Variants in ZNF641 observed in about 807,000 individuals in gnomAD.
The protein encoded by ZNF641 is zinc finger protein 641.
A neutral mutation model predicts 46.2 loss-of-function variants in ZNF641; 26 were observed. That is an observed-to-expected ratio of 0.56 (90% CI 0.41 to 0.78). The LOEUF (loss-of-function observed/expected upper bound fraction) is 0.78. Ranked by LOEUF, ZNF641 falls within the 30% of genes least tolerant of loss-of-function variation. The probability of loss-of-function intolerance (pLI) is 0.00; values close to 1 mark genes in which losing one functional copy is unlikely to be tolerated. For synonymous variants in ZNF641, 163 were observed against 187.9 expected, an observed-to-expected ratio of 0.87 and a Z score of 1.09; for missense variants, 469 against 517.8, an observed-to-expected ratio of 0.91 and a Z score of 0.91.
upstream of ZNF641, chr12:48,350,970 TGCG>T: frequency 1.9e-6 from 1 of 523,974 alleles, no homozygotes; most frequent in South Asian, 9.1e-5. Flanking sequence ...TCCGGGGCTC[TGCG>T]GCGGCGGAGG....
At chr12:48,350,347 T>C (rs1037227916) in intron 1 of ZNF641, 1 of 805,664 alleles carries the variant, frequency 1.2e-6, no homozygotes, top group African/African-American at 1.7e-5. Context: ...CTGCCACGGG[T>C]AGGGCATGGG....
rs1186453688 is a variant in ZNF641 at position 48,350,905 on chromosome 12, G to C, written c.-145C>G. The C allele has an allele frequency of 6.8e-5, 67 of 979,268 alleles. No individual in the cohort carries two copies. The highest frequency in any genetic ancestry group is 7.8e-5 in the Non-Finnish European group (64 of 824,538). 60.7% of individuals were successfully genotyped at this position (979,268 alleles called of 1,614,324 possible). On this transcript the variant is annotated 5_prime_UTR_variant, in exon 1 of 6. Coordinates refer to ENST00000547026, the MANE Select transcript of ZNF641 (RefSeq NM_001172681.2). ...GGCGGAGCCAGCGACAGGCGGAGAC[G>C]GCGGCCCGGCAGGCGCGGGCGGGGC...
intron 5 of ZNF641, 49 bp from the exon 6 acceptor site, chr12:48,343,776 T>A: frequency 7.0e-7 from 1 of 1,432,186 alleles, no homozygotes; most frequent in Non-Finnish European, 9.2e-7. Context: ...CACAAGAGAG[T>A]GCTTGAGGCC....
intron 3 of ZNF641, among the ~76,000 whole-genome samples, chr12:48,346,989 C>A (rs1395888244): frequency 6.6e-6 from 1 of 152,158 alleles, no homozygotes; most frequent in East Asian, 1.9e-4. Flanking sequence ...CCAACCAGGG[C>A]AACACAGTGA....
chr12:48,348,419 T>C (rs1378729221), intron 1 of ZNF641, among the ~76,000 whole-genome samples: 1 of 152,218 alleles, frequency 6.6e-6, no homozygotes, highest in African/African-American at 2.4e-5. Flanking sequence ...AGAACTGTCC[T>C]GGAAATTCAA....
rs1192838264 is a variant in ZNF641, at chr12:48,343,206, G to A, written c.1042C>T (p.Arg348Trp). The change falls in exon 6 of 6, where the codon CGG (arginine) becomes TGG (tryptophan). Residue 348 changes from arginine to tryptophan, a missense_variant. Physicochemically the swap from Arg to Trp is moderately radical, Grantham distance 101 (BLOSUM62 -3). Transcript: ENST00000547026. ...EVGESPGTRK[R>W]QRAPPVPKCH... is the part of the protein sequence containing the mutation. ...TTTGGCACTGGTGGGGCACGCTGCC[G>A]TTTCCTTGTGCCAGGGCTCTCTCCA... The A allele has an allele frequency of 1.2e-5, 20 of 1,614,084 alleles. No homozygotes were observed. The highest frequency in any genetic ancestry group is 5.3e-5 in the African/African-American group (4 of 74,938).
chr12:48,346,088 T>C (rs1952863911), intron 3 of ZNF641, among the ~76,000 whole-genome samples: 1 of 152,078 alleles, frequency 6.6e-6, no homozygotes, highest in South Asian at 2.1e-4. Context: ...GTGGTGTTAG[T>C]AGAGACGGGG....
Position 48,343,102 on chromosome 12 carries a change from C to T in ZNF641, c.1146G>A (p.Gly382=). 6.2e-7 allele frequency: 1 copy of T among 1,614,264 alleles called. No individual in the cohort carries two copies. Among genetic ancestry groups the T allele is most frequent in the Non-Finnish European group, 8.5e-7 (1 of 1,180,052 alleles). ...HLVRHWLTHT[G]EKPFQCPRCE... ...AGCGAGGGCACTGGAAGGGCTTCTCCCCAGTGTGGGTCAGCCAGTGTCTCA... is the reference window on the plus strand; with the variant it reads ...AGCGAGGGCACTGGAAGGGCTTCTCTCCAGTGTGGGTCAGCCAGTGTCTCA... The change falls in exon 6 of 6, where the codon GGG becomes GGA. Residue 382 remains glycine (G), a synonymous_variant. Transcript: ENST00000547026.
intron 2 of ZNF641, among the ~76,000 whole-genome samples, 155 bp from the exon 3 acceptor site, chr12:48,347,498 C>T (rs770222874): frequency 6.6e-6 from 1 of 152,254 alleles, no homozygotes; most frequent in Non-Finnish European, 1.5e-5. Flanking sequence ...AAGGCCATCA[C>T]TCAAAATGTT....
chr12:48,341,040 G>T lies in ZNF641; in HGVS notation c.*1933C>A. On this transcript the variant is annotated 3_prime_UTR_variant, in exon 6 of 6. Coordinates refer to ENST00000547026, the MANE Select transcript of ZNF641 (RefSeq NM_001172681.2). The stretch of plus-strand genomic sequence containing the variant: ...AGGAAGGCTGCTCACAGTAGCAGAA[G>T]GGAGGCAGGGGCCAAGCTGTTCAAG... 1.9e-5 allele frequency: 19 copies of T among 985,530 alleles called. No homozygotes were observed. Among genetic ancestry groups the T allele is most frequent in the South Asian group, 4.7e-5 (1 of 21,292 alleles). 61.0% of individuals were successfully genotyped at this position (985,530 alleles called of 1,614,324 possible).
chr12:48,344,012 G>C (rs1363932505), intron 5 of ZNF641, among the ~76,000 whole-genome samples: 1 of 152,222 alleles, frequency 6.6e-6, no homozygotes, highest in Admixed American at 6.5e-5. Flanking sequence ...CTCTCCGGCA[G>C]TTATAAGATA....
chr12:48,345,161 T>C (rs1952832831), intron 4 of ZNF641, among the ~76,000 whole-genome samples, 184 bp downstream of exon 4: 1 of 152,114 alleles, frequency 6.6e-6, no homozygotes, highest in Non-Finnish European at 1.5e-5. Context: ...TTACTTTTTT[T>C]TTTTTAATGA....
Position 48,341,437 on chromosome 12 carries a change from T to C in ZNF641, c.*1536A>G. 3.0e-6 allele frequency: 3 copies of C among 985,466 alleles called. No homozygotes were observed. Among genetic ancestry groups the C allele is most frequent in the Non-Finnish European group, 2.4e-6 (2 of 829,936 alleles). 61.0% of individuals were successfully genotyped at this position (985,466 alleles called of 1,614,324 possible). A position where few individuals can be genotyped will look rare whatever the true frequency, so the allele number is the denominator to read the frequency against. On this transcript the variant is annotated 3_prime_UTR_variant, in exon 6 of 6. Coordinates refer to ENST00000547026, the MANE Select transcript of ZNF641 (RefSeq NM_001172681.2). ...TTAGCTAACGATGCTAGAATACTTA[T>C]GCAAGCCCTAGAGTTAAGGGTCTTA...
Position 48,344,876 on chromosome 12 carries a change from T to C in ZNF641, c.407-164A>G, listed in dbSNP as rs186578381. On this transcript the variant is annotated intron_variant, in intron 4 of 5. Coordinates refer to ENST00000547026, the MANE Select transcript of ZNF641 (RefSeq NM_001172681.2). Reference sequence around the variant, plus strand: ...CCCAACCTCTTCCCCCACCCATTTCTGTTAAGTCCCTCTTCTCTGCCTAGA... The same window carrying C: ...CCCAACCTCTTCCCCCACCCATTTCCGTTAAGTCCCTCTTCTCTGCCTAGA... The C allele has an allele frequency of 2.7e-4, 158 of 575,454 alleles. 1 individual carries two copies. The East Asian group carries it at 4.5e-3, about 17-fold the overall frequency. The allele number at this position is 575,454 out of a possible 1,614,324, so 35.6% of individuals were successfully genotyped here.
chr12:48,336,352 C>T (rs373194771), downstream of ZNF641, among the ~76,000 whole-genome samples: 15 of 152,276 alleles, frequency 9.9e-5, no homozygotes, highest in East Asian at 1.4e-3. Flanking sequence ...AAAGACCAGA[C>T]TCCAAGTGGC....
At chr12:48,349,942 C>A in intron 1 of ZNF641, 1 of 1,398,590 alleles carries the variant, frequency 7.2e-7, no homozygotes, top group Admixed American at 1.7e-5. Flanking sequence ...AATGGGAAGC[C>A]TCTTTGTGCA....
chr12:48,343,478 TTCCCACACTGG>T lies in ZNF641; in HGVS notation c.759_769del (p.Gln254ThrfsTer27). The stretch of plus-strand genomic sequence containing the variant: ...AAGGTGGGAACCCCATACAAACTGT[TTCCCACACTGG>T]GGGCATGTGTGGGGTCTTAACAGGG... On this transcript the variant is annotated frameshift_variant, in exon 6 of 6. Transcript: ENST00000547026. LOFTEE classifies it high-confidence loss of function. The T allele has an allele frequency of 6.2e-7, 1 of 1,614,002 alleles. No individual in the cohort carries two copies. The highest frequency in any genetic ancestry group is 8.5e-7 in the Non-Finnish European group (1 of 1,179,878).
At chr12:48,336,579 G>C (rs1185918677), downstream of ZNF641, among the ~76,000 whole-genome samples, 2 of 152,150 alleles carry the variant, frequency 1.3e-5, no homozygotes, top group African/African-American at 2.4e-5. Context: ...GGGAGGCTTT[G>C]TCACTGAGTT....
intron 2 of ZNF641, among the ~76,000 whole-genome samples, chr12:48,347,638 C>T (rs1171257987): frequency 6.6e-6 from 1 of 152,240 alleles, no homozygotes; most frequent in Non-Finnish European, 1.5e-5. Flanking sequence ...GTTGCTGTCA[C>T]TTCCTTCATC....
Sources: allele counts gnomAD v4.1 joint callset (sites outside exome capture counted in the v4.1 genomes callset), GRCh38; gene constraint gnomAD v4.1.1; transcripts MANE v1.5; gene names NCBI Gene and HGNC (gene_info 2026-07-23, HGNC 2026-07-21).